The following THEMIS variants were observed in gnomAD, a reference collection of about 807,000 sequenced individuals.
THEMIS encodes thymocyte selection associated.
Under a neutral mutation model 52.6 loss-of-function variants are expected in THEMIS, and 37 were observed. The ratio of observed to expected loss-of-function variants is 0.70; its 90% CI spans 0.54 to 0.93. The LOEUF (loss-of-function observed/expected upper bound fraction) is 0.93, where lower values mean the gene tolerates loss of function less well. THEMIS is among the 40% of genes least tolerant of loss of function. THEMIS has a pLI of 0.00. For missense variants in THEMIS, 808 were observed against 763.1 expected, an observed-to-expected ratio of 1.06 and a Z score of -0.69; for synonymous variants, 292 against 272.7, an observed-to-expected ratio of 1.07 and a Z score of -0.70.
Position 127,712,711 on chromosome 6 carries a change from ATTTTGCT to A in THEMIS, c.1895-2702_1895-2696del, listed in dbSNP as rs371961150. ...AAGAGTAGACATAGAATGGAGTTTC[ATTTTGCT>A]TTTTGCTTTTCTTTCTCAAAAATAC... On this transcript the variant is annotated intron_variant, in intron 5 of 5. Transcript: ENST00000368248. 9.9e-4 allele frequency among the ~76,000 whole-genome samples: 151 copies of A among 151,950 alleles called. 3 individuals are homozygous for A. Among genetic ancestry groups the A allele is most frequent in the East Asian group, 4.7e-3 (24 of 5,140 alleles).
chr6:127,905,566 G>A (rs923603449), upstream of THEMIS, among the ~76,000 whole-genome samples: 2 of 151,950 alleles, frequency 1.3e-5, no homozygotes. Flanking sequence ...AATGAAGAGG[G>A]TGAATATGTC....
chr6:127,739,889 G>A (rs961412750), intron 4 of THEMIS, among the ~76,000 whole-genome samples: 2 of 152,170 alleles, frequency 1.3e-5, no homozygotes, highest in African/African-American at 4.8e-5. Flanking sequence ...ATACAGAGTG[G>A]TTCTTAATAC....
At chr6:127,823,864 A>G (rs892411708) in intron 3 of THEMIS, among the ~76,000 whole-genome samples, 1 of 152,186 alleles carries the variant, frequency 6.6e-6, no homozygotes, top group Non-Finnish European at 1.5e-5. Flanking sequence ...AAAAGGTTCA[A>G]TGAATCTAAA....
rs532515092 is a variant in THEMIS at position 127,775,130 on chromosome 6, G to A, written c.1758+37753C>T. On this transcript the variant is annotated intron_variant, in intron 4 of 5. Transcript: ENST00000368248. ...TTAGGACCCATATATGTTCCCTGGG[G>A]TGGTTCTTCTTGACGCCTGGCAGCA... 1.8e-3 allele frequency among the ~76,000 whole-genome samples: 277 copies of A among 152,258 alleles called. 4 individuals carry two copies. Among genetic ancestry groups the A allele is most frequent in the African/African-American group, 6.4e-3 (266 of 41,556 alleles).
At chr6:127,705,368 A>G (rs116517800), downstream of THEMIS, among the ~76,000 whole-genome samples, 2 of 152,204 alleles carry the variant, frequency 1.3e-5, no homozygotes, top group Non-Finnish European at 2.9e-5. Context: ...ATGATGGCAG[A>G]TATTACTGTA....
intron 4 of THEMIS, among the ~76,000 whole-genome samples, chr6:127,736,610 A>G (rs1399049394): frequency 5.3e-5 from 8 of 152,196 alleles, no homozygotes; most frequent in Non-Finnish European, 1.2e-4. Context: ...CCATAAATCT[A>G]TCAAGTACAA....
At chr6:127,723,737 C>T (rs948298281) in intron 4 of THEMIS, among the ~76,000 whole-genome samples, 12 of 151,980 alleles carry the variant, frequency 7.9e-5, no homozygotes, top group African/African-American at 2.9e-4. Context: ...TTAAGAAGTC[C>T]TGGGTTCCTG....
At chr6:127,751,225 G>A (rs1283998497) in intron 4 of THEMIS, among the ~76,000 whole-genome samples, 3 of 151,644 alleles carry the variant, frequency 2.0e-5, no homozygotes, top group Non-Finnish European at 4.4e-5. Context: ...AATGTGTGTC[G>A]GGGGAAGAAG....
intron 1 of THEMIS, among the ~76,000 whole-genome samples, chr6:127,873,675 T>C (rs1372911780): frequency 1.3e-5 from 2 of 152,212 alleles, no homozygotes; most frequent in East Asian, 3.8e-4. Flanking sequence ...CAAAAATCCA[T>C]GTTACAGCAT....
At chr6:127,732,663 T>C (rs535926672) in intron 4 of THEMIS, among the ~76,000 whole-genome samples, 4 of 152,364 alleles carry the variant, frequency 2.6e-5, no homozygotes, top group South Asian at 4.1e-4. Context: ...AACATATTCT[T>C]TTGTGTCTGG....
At chr6:127,753,199 C>G (rs571819540) in intron 4 of THEMIS, among the ~76,000 whole-genome samples, 1 of 152,022 alleles carries the variant, frequency 6.6e-6, no homozygotes, top group Admixed American at 6.6e-5. Flanking sequence ...AAGCCCACAG[C>G]TAACATCATA....
At chr6:127,810,109 G>A (rs1241661820) in intron 4 of THEMIS, among the ~76,000 whole-genome samples, 2 of 151,992 alleles carry the variant, frequency 1.3e-5, no homozygotes, top group African/African-American at 4.8e-5. Flanking sequence ...TAGTCTAGGC[G>A]TAATGTTGTT....
intron 1 of THEMIS, among the ~76,000 whole-genome samples, chr6:127,863,899 T>C (rs778880252): frequency 6.6e-6 from 1 of 152,180 alleles, no homozygotes; most frequent in Non-Finnish European, 1.5e-5. Context: ...AAAGTACAAA[T>C]GTCTTAAATT....
intron 4 of THEMIS, among the ~76,000 whole-genome samples, chr6:127,732,633 T>G (rs1774851242): frequency 6.6e-6 from 1 of 152,222 alleles, no homozygotes; most frequent in Non-Finnish European, 1.5e-5. Flanking sequence ...TTTGGGAACT[T>G]TGTATGCTTT....
At chr6:127,918,091 C>T (rs2114546875) in intron 1 of THEMIS, among the ~76,000 whole-genome samples, 1 of 152,256 alleles carries the variant, frequency 6.6e-6, no homozygotes, top group East Asian at 1.9e-4. Context: ...TCTTCTTTAG[C>T]TATATTCTTG....
At chr6:127,916,070 C>T (rs1306580257) in intron 1 of THEMIS, among the ~76,000 whole-genome samples, 1 of 151,838 alleles carries the variant, frequency 6.6e-6, no homozygotes, top group East Asian at 1.9e-4. Context: ...ATTTTTTGGG[C>T]AATGCAAGTC....
chr6:127,755,024 A>T (rs1479324692), intron 4 of THEMIS, among the ~76,000 whole-genome samples: 2 of 152,108 alleles, frequency 1.3e-5, no homozygotes, highest in South Asian at 2.1e-4. Context: ...TTTTTTTTTA[A>T]ACCCTCCTTT....
intron 4 of THEMIS, among the ~76,000 whole-genome samples, chr6:127,752,447 A>G (rs777863332): frequency 3.3e-5 from 5 of 151,222 alleles, no homozygotes; most frequent in African/African-American, 4.8e-5. Context: ...AAAAATAAAT[A>G]TAAATTAAAG....
chr6:127,774,127 C>G (rs1039224719), intron 4 of THEMIS, among the ~76,000 whole-genome samples: 1 of 152,204 alleles, frequency 6.6e-6, no homozygotes, highest in Non-Finnish European at 1.5e-5. Flanking sequence ...AACAAAATAG[C>G]CAACATTTTT....
Sources: gnomAD v4.1 joint callset for allele counts (sites outside exome capture counted in the v4.1 genomes callset) on GRCh38, gnomAD v4.1.1 for gene constraint, MANE v1.5 for transcripts, NCBI Gene and HGNC (gene_info 2026-07-23, HGNC 2026-07-21) for gene names.